The following KCNT2 variants were observed in gnomAD, a reference collection of about 807,000 sequenced individuals.
KCNT2 encodes the protein potassium sodium-activated channel subfamily T member 2.
Under a neutral mutation model 153.8 loss-of-function variants are expected in KCNT2, and 67 were observed. The observed-to-expected ratio is 0.44, with a 90% CI of 0.36 to 0.53. The LOEUF (loss-of-function observed/expected upper bound fraction) is 0.53, where lower values mean the gene tolerates loss of function less well. KCNT2 is among the 20% of genes least tolerant of loss of function. The pLI is 0.00. For synonymous variants in KCNT2, 500 were observed against 458.8 expected, an observed-to-expected ratio of 1.09 and a Z score of -1.15; for missense variants, 975 against 1,354.8, an observed-to-expected ratio of 0.72 and a Z score of 4.40.
intron 13 of KCNT2, among the ~76,000 whole-genome samples, chr1:196,380,249 A>AT (rs1318590233): frequency 2.0e-5 from 3 of 152,138 alleles, no homozygotes; most frequent in African/African-American, 7.2e-5. Context: ...AAATAGTAGT[A>AT]TTTTGTGAGA....
chr1:196,280,635 A>G (rs1237161087), intron 25 of KCNT2, among the ~76,000 whole-genome samples: 1 of 152,206 alleles, frequency 6.6e-6, no homozygotes, highest in Non-Finnish European at 1.5e-5. Context: ...CAACATCCAT[A>G]AACTTAGAAC....
At chr1:196,355,036 G>A (rs972183701) in intron 14 of KCNT2, among the ~76,000 whole-genome samples, 5 of 151,534 alleles carry the variant, frequency 3.3e-5, no homozygotes, top group Admixed American at 1.3e-4. Context: ...TATAATTTAC[G>A]GTACGGGGGT....
intron 23 of KCNT2, among the ~76,000 whole-genome samples, chr1:196,283,912 G>T (rs1249350454): frequency 6.6e-6 from 1 of 151,682 alleles, no homozygotes; most frequent in Admixed American, 6.6e-5. Flanking sequence ...GTATTGAAAT[G>T]CAAAATATGT....
intron 1 of KCNT2, among the ~76,000 whole-genome samples, chr1:196,504,425 T>C (rs1680959784): frequency 6.6e-6 from 1 of 152,162 alleles, no homozygotes; most frequent in Admixed American, 6.5e-5. Context: ...CTTCCTTTTT[T>C]ATGGCTGCAT....
At chr1:196,274,705 T>C (rs535876570) in intron 25 of KCNT2, among the ~76,000 whole-genome samples, 1 of 151,948 alleles carries the variant, frequency 6.6e-6, no homozygotes, top group South Asian at 2.1e-4. Context: ...GTGGCCAAAA[T>C]TCAGGGTAAC....
At chr1:196,554,643 C>T (rs903338686) in intron 1 of KCNT2, among the ~76,000 whole-genome samples, 2 of 151,210 alleles carry the variant, frequency 1.3e-5, no homozygotes, top group African/African-American at 4.8e-5. Flanking sequence ...TTCTACAAGA[C>T]CAGTATTGCC....
chr1:196,357,474 C>T (rs554672308), intron 14 of KCNT2, among the ~76,000 whole-genome samples: 2 of 151,922 alleles, frequency 1.3e-5, no homozygotes, highest in East Asian at 3.9e-4. Flanking sequence ...TTAATTTATT[C>T]CAATCCCTTG....
At chr1:196,263,532 T>C (rs1465908117) in intron 25 of KCNT2, among the ~76,000 whole-genome samples, 1 of 152,112 alleles carries the variant, frequency 6.6e-6, no homozygotes, top group Non-Finnish European at 1.5e-5. Flanking sequence ...AAATACCTAA[T>C]GTAGATTGCT....
chr1:196,446,817 A>G (rs925606966), intron 8 of KCNT2, among the ~76,000 whole-genome samples: 12 of 151,590 alleles, frequency 7.9e-5, no homozygotes, highest in Admixed American at 2.0e-4. Context: ...TAACTAAGCT[A>G]TACTGTCTTT....
At chr1:196,445,534 ACT>A (rs1031753994) in intron 8 of KCNT2, among the ~76,000 whole-genome samples, 1 of 151,344 alleles carries the variant, frequency 6.6e-6, no homozygotes, top group African/African-American at 2.4e-5. Flanking sequence ...AATAAGACTG[ACT>A]CTTATTTTTA....
chr1:196,228,714 G>A (rs1004125858), intron 27 of KCNT2, among the ~76,000 whole-genome samples: 1 of 151,550 alleles, frequency 6.6e-6, no homozygotes, highest in African/African-American at 2.4e-5. Context: ...CCTTACTTTG[G>A]CCATTTTTCT....
intron 8 of KCNT2, among the ~76,000 whole-genome samples, chr1:196,453,879 C>A (rs1420700445): frequency 2.0e-5 from 3 of 151,972 alleles, no homozygotes; most frequent in African/African-American, 7.2e-5. Flanking sequence ...TCTACTTGCT[C>A]ATTTCTCTAT....
chr1:196,324,394 T>C (rs993947239), intron 19 of KCNT2, among the ~76,000 whole-genome samples: 2 of 151,986 alleles, frequency 1.3e-5, no homozygotes, highest in African/African-American at 4.8e-5. Flanking sequence ...AAACTGACCA[T>C]GAAAAAGGTC....
intron 1 of KCNT2, among the ~76,000 whole-genome samples, chr1:196,533,072 G>A (rs532136718): frequency 6.6e-6 from 1 of 152,004 alleles, no homozygotes; most frequent in African/African-American, 2.4e-5. Flanking sequence ...GGGCAACCAA[G>A]GATAATATAA....
chr1:196,540,296 A>T (rs1656179628), intron 1 of KCNT2, among the ~76,000 whole-genome samples: 1 of 152,214 alleles, frequency 6.6e-6, no homozygotes. Flanking sequence ...CAAGAATTCC[A>T]AAGGAAATTG....
intron 18 of KCNT2, among the ~76,000 whole-genome samples, chr1:196,328,433 A>G (rs1462914002): frequency 1.3e-5 from 2 of 152,054 alleles, no homozygotes; most frequent in African/African-American, 4.8e-5. Flanking sequence ...GAGCTAAGAG[A>G]GAATCAGAAA....
intron 12 of KCNT2, among the ~76,000 whole-genome samples, chr1:196,419,919 T>C (rs778731960): frequency 3.3e-5 from 5 of 152,044 alleles, no homozygotes; most frequent in African/African-American, 4.8e-5. Context: ...CCCTCTCAAT[T>C]TGACAATTTT....
chr1:196,422,082 C>T (rs1673257439), intron 12 of KCNT2, among the ~76,000 whole-genome samples: 1 of 151,876 alleles, frequency 6.6e-6, no homozygotes, highest in Non-Finnish European at 1.5e-5. Flanking sequence ...ATTTTGTAGG[C>T]CCACAATTCA....
rs199796843 is a variant in KCNT2 at position 196,305,221 on chromosome 1, T to A, written c.2595+13A>T. On this transcript the variant is annotated intron_variant, in intron 22 of 27. Transcript: ENST00000294725. ...TGGTTAAATCTAATTTACTTGATAA[T>A]GTGGGGTCTTACCTTTTCCAGTTTT... 2 of 1,373,660 alleles carry A rather than the reference T, an allele frequency of 1.5e-6. No homozygotes were observed. The highest frequency in any genetic ancestry group is 1.2e-5 in the South Asian group (1 of 86,180). 85.1% of individuals were successfully genotyped at this position (1,373,660 alleles called of 1,614,324 possible).
Sources: gnomAD v4.1 joint callset for allele counts (sites outside exome capture counted in the v4.1 genomes callset) on GRCh38, gnomAD v4.1.1 for gene constraint, MANE v1.5 for transcripts, NCBI Gene and HGNC (gene_info 2026-07-23, HGNC 2026-07-21) for gene names.